Variants in PTPRD observed in about 807,000 individuals in gnomAD.
PTPRD encodes the protein receptor-type tyrosine-protein phosphatase delta.
PTPRD carries 34 observed loss-of-function variants against 214.5 expected under a neutral mutation model. That is an observed-to-expected ratio of 0.16 (90% CI 0.12 to 0.21). PTPRD has a LOEUF of 0.21. PTPRD is among the 10% of genes least tolerant of loss of function. PTPRD has a pLI of 1.00. For synonymous variants in PTPRD, 1,128 were observed against 845.7 expected, an observed-to-expected ratio of 1.33 and a Z score of -5.79; for missense variants, 2,545 against 2,398.7, an observed-to-expected ratio of 1.06 and a Z score of -1.27.
chr9:9,392,564 A>G (rs954227730), intron 9 of PTPRD, among the ~76,000 whole-genome samples: 3 of 152,108 alleles, frequency 2.0e-5, no homozygotes, highest in Admixed American at 1.3e-4. Flanking sequence ...GTAGAATTCT[A>G]GCTTGTAAAT....
At chr9:10,390,895 C>G (rs2154490890) in intron 2 of PTPRD, among the ~76,000 whole-genome samples, 1 of 151,790 alleles carries the variant, frequency 6.6e-6, no homozygotes, top group South Asian at 2.1e-4. Flanking sequence ...CATAAATTTC[C>G]CAAAGCATTA....
At position 8,382,252 on chromosome 9, in the gene PTPRD, TAAAG is replaced by T. The variant is rs562735574; in HGVS notation, c.4387-5530_4387-5527del. On this transcript the variant is annotated intron_variant, in intron 37 of 45. Transcript: ENST00000381196. ...TCAGCCTTTCCAGACATTCTGCTGA[TAAAG>T]AACAGAGAAAAACCAAACATTGGAC... 1.6e-4 allele frequency among the ~76,000 whole-genome samples: 24 copies of T among 152,334 alleles called. 2 individuals are homozygous for T. The South Asian group carries it at 5.0e-3, about 32-fold the overall frequency.
intron 31 of PTPRD, among the ~76,000 whole-genome samples, chr9:8,466,172 T>C (rs2096540875): frequency 6.6e-6 from 1 of 151,940 alleles, no homozygotes; most frequent in Non-Finnish European, 1.5e-5. Context: ...TTCCCTCAAA[T>C]CAGCAGAAGC....
At chr9:8,824,253 G>A (rs1383283840) in intron 11 of PTPRD, among the ~76,000 whole-genome samples, 1 of 152,148 alleles carries the variant, frequency 6.6e-6, no homozygotes, top group East Asian at 1.9e-4. Context: ...ATTTAAGATG[G>A]AGTTGCTGTG....
chr9:9,665,912 G>A (rs560335359), intron 7 of PTPRD, among the ~76,000 whole-genome samples: 1 of 151,854 alleles, frequency 6.6e-6, no homozygotes, highest in Non-Finnish European at 1.5e-5. Flanking sequence ...TTTTTTACTG[G>A]TTTGAATAAC....
At chr9:10,280,742 TA>T (rs2095055892) in intron 3 of PTPRD, among the ~76,000 whole-genome samples, 1 of 151,954 alleles carries the variant, frequency 6.6e-6, no homozygotes, top group Non-Finnish European at 1.5e-5. Context: ...CCTGAGTAGC[TA>T]GGACTACAGG....
At chr9:8,621,474 A>C (rs1479886957) in intron 14 of PTPRD, among the ~76,000 whole-genome samples, 1 of 151,902 alleles carries the variant, frequency 6.6e-6, no homozygotes, top group African/African-American at 2.4e-5. Flanking sequence ...CTCAAACCCC[A>C]GTCGTACTGG....
intron 30 of PTPRD, among the ~76,000 whole-genome samples, chr9:8,479,277 C>T (rs544387673): frequency 4.6e-5 from 7 of 152,270 alleles, no homozygotes; most frequent in East Asian, 3.9e-4. Flanking sequence ...ACAAGATTTG[C>T]TTTTCATTTT....
At chr9:8,836,030 A>C (rs1384812458) in intron 11 of PTPRD, among the ~76,000 whole-genome samples, 2 of 152,184 alleles carry the variant, frequency 1.3e-5, no homozygotes, top group Admixed American at 6.5e-5. Context: ...GGTTTAATTA[A>C]TGCATACATA....
intron 3 of PTPRD, among the ~76,000 whole-genome samples, chr9:10,191,748 T>C (rs934561742): frequency 6.6e-6 from 1 of 152,168 alleles, no homozygotes; most frequent in Admixed American, 6.5e-5. Context: ...ACTTCCTCAG[T>C]GTTCTCATAG....
At chr9:10,549,634 G>A (rs893777295) in intron 2 of PTPRD, among the ~76,000 whole-genome samples, 2 of 152,098 alleles carry the variant, frequency 1.3e-5, no homozygotes, top group Non-Finnish European at 2.9e-5. Context: ...ATCCGTCAGT[G>A]TATATCCACT....
rs375562166 is a variant in PTPRD, at chr9:9,956,232, A to G, written c.-471-17622T>C. On this transcript the variant is annotated intron_variant, in intron 4 of 45. Transcript: ENST00000381196. ...TCTTTATGGGGAAAGGAAATAATGT[A>G]AAAGAGATTAAGGTGAGGTTTACCT... 1.6e-4 allele frequency among the ~76,000 whole-genome samples: 25 copies of G among 152,042 alleles called. No homozygotes were observed. The East Asian group carries it at 4.3e-3, about 26-fold the overall frequency.
chr9:9,377,852 T>C (rs906757067), intron 9 of PTPRD, among the ~76,000 whole-genome samples: 3 of 150,816 alleles, frequency 2.0e-5, no homozygotes, highest in Non-Finnish European at 4.4e-5. Flanking sequence ...AAAATAATAT[T>C]TTAACTCTCA....
At chr9:8,666,647 C>T (rs895376369) in intron 12 of PTPRD, among the ~76,000 whole-genome samples, 3 of 152,188 alleles carry the variant, frequency 2.0e-5, no homozygotes, top group Non-Finnish European at 4.4e-5. Context: ...GCCAATAGAT[C>T]TGCAAACTTC....
intron 8 of PTPRD, among the ~76,000 whole-genome samples, chr9:9,525,351 G>T (rs2073876856): frequency 6.6e-6 from 1 of 152,048 alleles, no homozygotes; most frequent in South Asian, 2.1e-4. Context: ...TTCAACCAAG[G>T]ATGATTAACG....
intron 4 of PTPRD, among the ~76,000 whole-genome samples, chr9:10,032,087 G>C (rs1019088740): frequency 1.3e-5 from 2 of 152,128 alleles, no homozygotes; most frequent in Non-Finnish European, 2.9e-5. Flanking sequence ...GCTACTATTG[G>C]AAGGAGTAGG....
chr9:9,114,192 G>A (rs912513841), intron 10 of PTPRD, among the ~76,000 whole-genome samples: 4 of 152,176 alleles, frequency 2.6e-5, no homozygotes, highest in African/African-American at 7.2e-5. Context: ...TTTAAGGTCT[G>A]ATTCCAATTA....
At chr9:10,298,569 T>C (rs2095759082) in intron 3 of PTPRD, among the ~76,000 whole-genome samples, 1 of 152,130 alleles carries the variant, frequency 6.6e-6, no homozygotes, top group South Asian at 2.1e-4. Flanking sequence ...GACAAAAATA[T>C]TTAGTTTTTG....
chr9:10,457,995 G>C (rs529923953), intron 2 of PTPRD, among the ~76,000 whole-genome samples: 23 of 151,896 alleles, frequency 1.5e-4, no homozygotes, highest in Admixed American at 1.4e-3. Context: ...AATTACAAAA[G>C]TGAATCAGGA....
Sources: gnomAD v4.1 joint callset for allele counts (sites outside exome capture counted in the v4.1 genomes callset) on GRCh38, gnomAD v4.1.1 for gene constraint, MANE v1.5 for transcripts, NCBI Gene and HGNC (gene_info 2026-07-23, HGNC 2026-07-21) for gene names.